Variants in MEGF11 observed in about 807,000 individuals in gnomAD.
The protein encoded by MEGF11 is multiple EGF like domains 11, also known as multiple epidermal growth factor-like domains protein 11.
A neutral mutation model predicts 146.6 loss-of-function variants in MEGF11; 126 were observed. That is an observed-to-expected ratio of 0.86 (90% confidence interval 0.74 to 1.00). The LOEUF is 1.00. Among genes scored for constraint, MEGF11 ranks in the 50% least tolerant of loss-of-function variants. The pLI is 0.00. For missense variants in MEGF11, 1,509 were observed against 1,521.2 expected (o/e 0.99, Z 0.13); for synonymous variants, 532 against 583.4 (o/e 0.91, Z 1.27).
At chr15:66,185,325 G>A (rs1341566685) in intron 1 of MEGF11, among the ~76,000 whole-genome samples, 1 of 152,092 alleles carries the variant, frequency 6.6e-6, no homozygotes, top group South Asian at 2.1e-4. Flanking sequence ...CCTCCCTCAC[G>A]TCTACCCTAA....
rs2081698149 is a variant in MEGF11 at position 65,982,675 on chromosome 15, A to G, written c.395-187T>C. 6.6e-6 allele frequency among the ~76,000 whole-genome samples: 1 copy of G among 152,176 alleles called. No homozygotes were observed. Among genetic ancestry groups the G allele is most frequent in the South Asian group, 2.1e-4 (1 of 4,826 alleles). Reference sequence around the variant, plus strand: ...TCAGTTCTTCCACCAAGCCATGCAAATAGTCGCACAGGCTAAGAAGGGCAG... The same window carrying G: ...TCAGTTCTTCCACCAAGCCATGCAAGTAGTCGCACAGGCTAAGAAGGGCAG... On this transcript the variant is annotated intron_variant, in intron 5 of 25. Transcript: ENST00000395614. The surrounding 1 kb of genome is among the most constrained non-coding windows in gnomAD (Gnocchi z 5.6).
chr15:66,074,744 C>T (rs1419106195), intron 5 of MEGF11, among the ~76,000 whole-genome samples: 1 of 152,212 alleles, frequency 6.6e-6, no homozygotes, highest in Admixed American at 6.5e-5. Context: ...TGCTCCCTAA[C>T]GTGGTACTGG....
At chr15:66,242,121 G>A (rs1191901464) in intron 1 of MEGF11, among the ~76,000 whole-genome samples, 1 of 152,070 alleles carries the variant, frequency 6.6e-6, no homozygotes, top group African/African-American at 2.4e-5. Flanking sequence ...AACAAGTAGG[G>A]GCAAGCCGGA....
chr15:66,001,841 T>C (rs2082375677), intron 5 of MEGF11, among the ~76,000 whole-genome samples: 1 of 152,034 alleles, frequency 6.6e-6, no homozygotes. Flanking sequence ...TTTTAAAACA[T>C]TTCACTTTCA....
intron 1 of MEGF11, among the ~76,000 whole-genome samples, chr15:66,252,544 G>A (rs966112251): frequency 1.3e-5 from 2 of 152,168 alleles, no homozygotes; most frequent in African/African-American, 4.8e-5. Flanking sequence ...GCTGCCGCTG[G>A]ATGGAGCCCG....
At chr15:65,960,570 C>T (rs1045723178) in intron 9 of MEGF11, among the ~76,000 whole-genome samples, 1 of 152,214 alleles carries the variant, frequency 6.6e-6, no homozygotes, top group African/African-American at 2.4e-5. Context: ...GGCTCAGTCA[C>T]GGTTGTGGAG....
intron 4 of MEGF11, among the ~76,000 whole-genome samples, chr15:66,096,066 G>A (rs1336653066): frequency 6.6e-6 from 1 of 152,150 alleles, no homozygotes; most frequent in Admixed American, 6.5e-5. Context: ...ACACACCAGT[G>A]TCCATCCTCT....
chr15:66,247,727 G>A (rs140578308), intron 1 of MEGF11, among the ~76,000 whole-genome samples: 58 of 152,182 alleles, frequency 3.8e-4, no homozygotes, highest in African/African-American at 1.2e-3. Context: ...GGCAACAGAA[G>A]GAGAGCCCTT....
intron 5 of MEGF11, among the ~76,000 whole-genome samples, chr15:66,011,575 C>T (rs769625743): frequency 3.9e-5 from 6 of 152,080 alleles, no homozygotes; most frequent in South Asian, 2.1e-4. Context: ...TCGGGCAAGT[C>T]GCGTAACTCC....
intron 5 of MEGF11, among the ~76,000 whole-genome samples, chr15:66,053,789 G>A (rs1390188719): frequency 3.0e-5 from 4 of 131,520 alleles, no homozygotes; most frequent in Admixed American, 2.7e-4. Flanking sequence ...GTGCAGTGGT[G>A]TGATCATGGT....
At chr15:66,024,530 T>C (rs1295035989) in intron 5 of MEGF11, among the ~76,000 whole-genome samples, 1 of 152,234 alleles carries the variant, frequency 6.6e-6, no homozygotes, top group Non-Finnish European at 1.5e-5. Flanking sequence ...TAATAACACA[T>C]TGACTGTGTG....
At chr15:65,971,531 T>TG (rs1021027039) in intron 7 of MEGF11, among the ~76,000 whole-genome samples, 24 of 152,042 alleles carry the variant, frequency 1.6e-4, no homozygotes, top group Non-Finnish European at 2.8e-4. Flanking sequence ...CAGATGAAGG[T>TG]GGGGGTGGAA....
intron 4 of MEGF11, among the ~76,000 whole-genome samples, chr15:66,111,609 C>T (rs2087412939): frequency 6.6e-6 from 1 of 152,192 alleles, no homozygotes; most frequent in African/African-American, 2.4e-5. Flanking sequence ...CATACCCACT[C>T]AAGGGCAGAC....
At chr15:66,158,807 G>GT (rs1236609169) in intron 1 of MEGF11, among the ~76,000 whole-genome samples, 11 of 152,186 alleles carry the variant, frequency 7.2e-5, no homozygotes, top group African/African-American at 2.7e-4. Context: ...TCCAAGGCCT[G>GT]TTTCCATAGC....
At chr15:66,082,611 A>T (rs959088543) in intron 5 of MEGF11, among the ~76,000 whole-genome samples, 1 of 140,478 alleles carries the variant, frequency 7.1e-6, no homozygotes, top group African/African-American at 2.7e-5. Flanking sequence ...CAGAGGTTGC[A>T]GTGAGCCAAG....
intron 1 of MEGF11, among the ~76,000 whole-genome samples, chr15:66,161,652 C>G (rs796654996): frequency 7.9e-5 from 12 of 152,264 alleles, no homozygotes; most frequent in African/African-American, 2.9e-4. Context: ...CTTGGCCTCC[C>G]AAAGTGCTGG....
chr15:65,903,269 C>T (rs1013399018), intron 24 of MEGF11, among the ~76,000 whole-genome samples: 2 of 152,150 alleles, frequency 1.3e-5, no homozygotes, highest in Admixed American at 6.5e-5. Context: ...AGGATTCCAG[C>T]ATCATAAAGG....
chr15:66,121,378 C>G (rs2088016873), intron 3 of MEGF11, among the ~76,000 whole-genome samples: 1 of 152,124 alleles, frequency 6.6e-6, no homozygotes, highest in African/African-American at 2.4e-5. Context: ...CAGTCAAATG[C>G]TAGAGGAAGG....
chr15:66,251,479 G>T (rs147430944), intron 1 of MEGF11, among the ~76,000 whole-genome samples: 131 of 152,252 alleles, frequency 8.6e-4, no homozygotes, highest in African/African-American at 3.0e-3. Flanking sequence ...CCCAGAGCTC[G>T]GTGCAGGGAC....
Sources: gnomAD v4.1 joint callset for allele counts (sites outside exome capture counted in the v4.1 genomes callset) on GRCh38, gnomAD v4.1.1 for gene constraint, Gnocchi (gnomAD v3.1) non-coding constraint, MANE v1.5 for transcripts, NCBI Gene and HGNC (gene_info 2026-07-23, HGNC 2026-07-21) for gene names.